Variants in ADSS2 observed in about 807,000 individuals in gnomAD.
ADSS2 encodes the protein adenylosuccinate synthetase isozyme 2.
In ADSS2, 30 loss-of-function variants were observed where a neutral mutation model predicts 60.0. The observed-to-expected ratio is 0.50, with a 90% CI of 0.37 to 0.68. The LOEUF (loss-of-function observed/expected upper bound fraction) is 0.68. Ranked by LOEUF, ADSS2 falls within the 30% of genes least tolerant of loss-of-function variation. ADSS2 has a pLI of 0.00. For missense variants in ADSS2, 373 were observed against 554.8 expected (o/e 0.67, Z 3.29); for synonymous variants, 187 against 193.1 (o/e 0.97, Z 0.26).
chr1:244,432,721 T>C (rs1664979349), intron 3 of ADSS2, 126 bp from the exon 4 acceptor site: 1 of 550,662 alleles, frequency 1.8e-6, no homozygotes, highest in Non-Finnish European at 3.0e-6. Flanking sequence ...TGGAGTGCAG[T>C]GGTGTGATCT....
At position 244,432,603 on chromosome 1, in the gene ADSS2, G is replaced by C; in HGVS notation, c.356-8C>G. 1 of 1,532,964 alleles carries C rather than the reference G, an allele frequency of 6.5e-7. No homozygotes were observed. Among genetic ancestry groups the C allele is most frequent in the East Asian group, 2.3e-5 (1 of 43,176 alleles). 95.0% of individuals were successfully genotyped at this position (1,532,964 alleles called of 1,614,324 possible). ...TTTCCCAGCCTTCTAGTCCTAGAAA[G>C]GGGAAAAAGATATATTTAATTGAAT... On this transcript the variant is annotated splice_polypyrimidine_tract_variant and splice_region_variant and intron_variant, in intron 3 of 12. Transcript: ENST00000366535.
At chr1:244,425,452 G>T (rs963556091) in intron 4 of ADSS2, among the ~76,000 whole-genome samples, 2 of 151,604 alleles carry the variant, frequency 1.3e-5, no homozygotes, top group Admixed American at 1.3e-4. Context: ...CTGATATAAG[G>T]TTCTTGGGAT....
At position 244,418,768 on chromosome 1, in the gene ADSS2, G is replaced by C. The variant is rs1369116991; in HGVS notation, c.937C>G (p.Gln313Glu). The C allele has an allele frequency of 1.2e-6, 2 of 1,607,154 alleles. No homozygotes were observed. The highest frequency in any genetic ancestry group is 1.7e-6 in the Non-Finnish European group (2 of 1,178,016). ...RVGIGAFPTEQDNEIGELLQT... is the reference protein window; with the variant it reads ...RVGIGAFPTEEDNEIGELLQT... ...ACTTAGAATAGGCTTACATTGTCTTGCTCTGTAGGAAAGGCACCAATACCA... is the reference window on the plus strand; with the variant it reads ...ACTTAGAATAGGCTTACATTGTCTTCCTCTGTAGGAAAGGCACCAATACCA... The change falls in exon 9 of 13, where the codon CAA becomes GAA. Residue 313 changes from glutamine to glutamate, a missense_variant. Transcript: ENST00000366535.
chr1:244,422,605 C>T (rs1034727298), intron 7 of ADSS2, among the ~76,000 whole-genome samples: 2 of 152,216 alleles, frequency 1.3e-5, no homozygotes, highest in Non-Finnish European at 1.5e-5. Flanking sequence ...TGTCACTGCA[C>T]ATGAGACATA....
chr1:244,432,616 T>C lies in ADSS2; in HGVS notation c.356-21A>G, dbSNP rs375507039. Reference sequence around the variant, plus strand: ...TAGTCCTAGAAAGGGGAAAAAGATATATTTAATTGAATATTTTGTATAGCA... The same window carrying C: ...TAGTCCTAGAAAGGGGAAAAAGATACATTTAATTGAATATTTTGTATAGCA... On this transcript the variant is annotated intron_variant, in intron 3 of 12. Transcript: ENST00000366535. 29 of 1,468,386 alleles carry C rather than the reference T, an allele frequency of 2.0e-5. No individual in the cohort carries two copies. In the African/African-American group the frequency reaches 2.9e-4, roughly 15 times the overall value. The allele number at this position is 1,468,386 out of a possible 1,614,324, so 91.0% of individuals were successfully genotyped here. A position where few individuals can be genotyped will look rare whatever the true frequency, so the allele number is the denominator to read the frequency against.
At chr1:244,450,565 T>C (rs1665529563) in intron 1 of ADSS2, among the ~76,000 whole-genome samples, 1 of 152,218 alleles carries the variant, frequency 6.6e-6, no homozygotes, top group South Asian at 2.1e-4. Flanking sequence ...CACCATCATA[T>C]CATGCCATGC....
chr1:244,421,252 A>T (rs1664669321), intron 7 of ADSS2, among the ~76,000 whole-genome samples: 1 of 152,246 alleles, frequency 6.6e-6, no homozygotes, highest in South Asian at 2.1e-4. Context: ...TTCAGAACTC[A>T]ATTAAAAATG....
intron 7 of ADSS2, among the ~76,000 whole-genome samples, chr1:244,420,810 C>T (rs566632588): frequency 3.9e-5 from 6 of 152,212 alleles, no homozygotes; most frequent in South Asian, 2.1e-4. Flanking sequence ...CAGGCTCAAG[C>T]GATCCTCCCA....
At chr1:244,423,095 A>C (rs1344983885) in intron 6 of ADSS2, among the ~76,000 whole-genome samples, 179 bp from the exon 7 acceptor site, 4 of 152,248 alleles carry the variant, frequency 2.6e-5, no homozygotes, top group African/African-American at 9.6e-5. Flanking sequence ...ATGAATAAGT[A>C]AGACATTCAA....
At chr1:244,425,116 T>C (rs529533896) in intron 4 of ADSS2, among the ~76,000 whole-genome samples, 2 of 152,228 alleles carry the variant, frequency 1.3e-5, no homozygotes, top group African/African-American at 2.4e-5. Context: ...GCCAATGCTC[T>C]GAGAGTATTA....
At chr1:244,449,440 C>A (rs1665476801) in intron 1 of ADSS2, among the ~76,000 whole-genome samples, 1 of 152,176 alleles carries the variant, frequency 6.6e-6, no homozygotes, top group African/African-American at 2.4e-5. Flanking sequence ...TCAAACAAGG[C>A]AATCCAAGCT....
chr1:244,426,979 C>A (rs1387753697), intron 4 of ADSS2, among the ~76,000 whole-genome samples: 1 of 152,140 alleles, frequency 6.6e-6, no homozygotes, highest in African/African-American at 2.4e-5. Context: ...GTGCTCAGCA[C>A]CATACCTGAC....
intron 1 of ADSS2, among the ~76,000 whole-genome samples, chr1:244,444,355 A>G (rs1485257161): frequency 6.7e-6 from 1 of 149,304 alleles, no homozygotes; most frequent in Non-Finnish European, 1.5e-5. Context: ...CTCTACTAAA[A>G]ATACAAAAAA....
chr1:244,437,016 T>C, intron 2 of ADSS2, 123 bp from the exon 3 acceptor site: 2 of 714,270 alleles, frequency 2.8e-6, no homozygotes, highest in Admixed American at 2.6e-5. Context: ...CACAGGAGTA[T>C]AATTTAAATA....
At chr1:244,448,625 C>T (rs1665451850) in intron 1 of ADSS2, among the ~76,000 whole-genome samples, 1 of 152,138 alleles carries the variant, frequency 6.6e-6, no homozygotes, top group African/African-American at 2.4e-5. Flanking sequence ...GTATAAACTA[C>T]TATAGTTAAG....
intron 1 of ADSS2, among the ~76,000 whole-genome samples, chr1:244,447,052 A>G (rs1665408844): frequency 6.6e-6 from 1 of 152,196 alleles, no homozygotes; most frequent in Admixed American, 6.5e-5. Context: ...CCCATCCCAG[A>G]GCCAGATTAG....
At chr1:244,445,640 G>C (rs1340884491) in intron 1 of ADSS2, among the ~76,000 whole-genome samples, 1 of 137,670 alleles carries the variant, frequency 7.3e-6, no homozygotes, top group Non-Finnish European at 1.6e-5. Context: ...CAAAGGTCCA[G>C]GGGAGGTTAA....
At chr1:244,430,482 C>A (rs909908055) in intron 4 of ADSS2, among the ~76,000 whole-genome samples, 1 of 152,160 alleles carries the variant, frequency 6.6e-6, no homozygotes, top group Non-Finnish European at 1.5e-5. Context: ...GTTATTCAAA[C>A]GGCAGGTGTT....
intron 4 of ADSS2, among the ~76,000 whole-genome samples, chr1:244,426,193 CTG>C (rs1197127435): frequency 6.6e-6 from 1 of 152,090 alleles, no homozygotes; most frequent in African/African-American, 2.4e-5. Flanking sequence ...CATGACAAGA[CTG>C]AGATCTTAGA....
Sources: gnomAD v4.1 joint callset for allele counts (sites outside exome capture counted in the v4.1 genomes callset) on GRCh38, gnomAD v4.1.1 for gene constraint, MANE v1.5 for transcripts, NCBI Gene and HGNC (gene_info 2026-07-23, HGNC 2026-07-21) for gene names.